GLB1L3: variants seen among roughly 807,000 people sequenced by gnomAD.
The protein encoded by GLB1L3 is beta-galactosidase-1-like protein 3.
In GLB1L3, 89 loss-of-function variants were observed where a neutral mutation model predicts 89.5. The ratio of observed to expected loss-of-function variants is 0.99; its 90% confidence interval spans 0.84 to 1.19. GLB1L3 has a LOEUF of 1.19. GLB1L3 is among the 50% of genes most tolerant of loss of function. The probability of loss-of-function intolerance (pLI) is 0.00; values close to 1 mark genes in which losing one functional copy is unlikely to be tolerated. For missense variants in GLB1L3, 812 were observed against 813.3 expected (o/e 1.00, Z 0.02); for synonymous variants, 314 against 312.3 (o/e 1.01, Z -0.06).
At chr11:134,279,371 T>C (rs1349331050) in intron 3 of GLB1L3, among the ~76,000 whole-genome samples, 44 of 141,274 alleles carry the variant, frequency 3.1e-4, no homozygotes, top group African/African-American at 5.3e-4. Flanking sequence ...TTTCTTTTTT[T>C]TTTTTTTTTT....
intron 2 of GLB1L3, 124 bp from the exon 3 acceptor site, chr11:134,277,576 C>T: frequency 6.6e-7 from 1 of 1,513,226 alleles, no homozygotes; most frequent in Non-Finnish European, 9.1e-7. Flanking sequence ...GTCCTACTAA[C>T]ATATGCACAG....
chr11:134,318,598 A>T, intron 18 of GLB1L3, 33 bp from the exon 19 acceptor site: 5 of 1,395,868 alleles, frequency 3.6e-6, no homozygotes, highest in Non-Finnish European at 5.0e-6. Flanking sequence ...AATGTGAACC[A>T]ATTTCCAAAT....
At chr11:134,296,613 A>G (rs1166264116) in intron 9 of GLB1L3, among the ~76,000 whole-genome samples, 3 of 145,070 alleles carry the variant, frequency 2.1e-5, no homozygotes, top group African/African-American at 5.1e-5. Context: ...AACACCGCAT[A>G]TTCTCACTCA....
chr11:134,304,498 A>T (rs1229534858), intron 9 of GLB1L3, among the ~76,000 whole-genome samples: 1 of 152,106 alleles, frequency 6.6e-6, no homozygotes, highest in Non-Finnish European at 1.5e-5. Flanking sequence ...CATCTCCTGC[A>T]TCCATTTCCT....
chr11:134,288,991 T>C (rs1941184998), intron 7 of GLB1L3, 101 bp downstream of exon 7: 1 of 784,048 alleles, frequency 1.3e-6, no homozygotes, highest in Admixed American at 3.0e-5. Context: ...ACACTGTGCA[T>C]TCTGAGAATG....
downstream of GLB1L3, among the ~76,000 whole-genome samples, chr11:134,321,337 G>A (rs906986018): frequency 6.6e-6 from 1 of 151,558 alleles, no homozygotes; most frequent in African/African-American, 2.4e-5. Flanking sequence ...AAAAAATTAG[G>A]AGGATAAATA....
chr11:134,277,836 T>C lies in GLB1L3; in HGVS notation c.286T>C (p.Tyr96His). 2 of 1,614,066 alleles carry C rather than the reference T, an allele frequency of 1.2e-6. No homozygotes were observed. Among genetic ancestry groups the C allele is most frequent in the Non-Finnish European group, 1.7e-6 (2 of 1,180,004 alleles). Residue 96 changes from tyrosine (Y) to histidine (H), a missense_variant, in exon 3 of 20, where the codon TAT (tyrosine) becomes CAT (histidine). Physicochemically the swap from Tyr to His is moderately conservative, Grantham distance 83. Around this residue, in one of 3 missense-constraint regions of GLB1L3, gnomAD observed 191 missense variants for 191.4 expected, o/e 1.00. Transcript: ENST00000431683. ...CCTGATCTTCGGGGGCTCCATCCAC[T>C]ATTTCCGGGTGCCCAGGGAGTACTG... ...KFLIFGGSIH[Y>H]FRVPREYWRD...
At chr11:134,292,943 G>A (rs1398405476) in intron 8 of GLB1L3, 3 of 622,590 alleles carry the variant, frequency 4.8e-6, no homozygotes, top group African/African-American at 3.7e-5. Context: ...TTCAACAGTG[G>A]GTGTCCTCGC....
chr11:134,288,140 T>A (rs1244395683), intron 6 of GLB1L3, among the ~76,000 whole-genome samples: 2 of 152,168 alleles, frequency 1.3e-5, no homozygotes, highest in African/African-American at 4.8e-5. Flanking sequence ...ATGTTGATGG[T>A]CTGGATGGCA....
chr11:134,307,881 G>A (rs556310562), intron 10 of GLB1L3, among the ~76,000 whole-genome samples: 8 of 152,232 alleles, frequency 5.3e-5, no homozygotes, highest in African/African-American at 9.6e-5. Context: ...CCTGGCAGTC[G>A]TTTACTTAAT....
intron 7 of GLB1L3, among the ~76,000 whole-genome samples, chr11:134,289,973 A>C (rs376357556): frequency 6.6e-6 from 1 of 152,088 alleles, no homozygotes; most frequent in African/African-American, 2.4e-5. Flanking sequence ...CTGTGCGGAG[A>C]CCTCTGGCTG....
In GLB1L3 at chr11:134,285,832, C is replaced by G. The variant is rs150796760; in HGVS notation, c.636+1987C>G. ...AGTAGTAGGCTGATATCTTACTCTT[C>G]TGTTTGGGAGTAAATATGGCAAACA... is the stretch of plus-strand genomic sequence containing the variant. On this transcript the variant is annotated intron_variant, in intron 6 of 19. Coordinates refer to ENST00000431683, the MANE Select transcript of GLB1L3 (RefSeq NM_001080407.3). 9.9e-3 allele frequency among the ~76,000 whole-genome samples: 1,506 copies of G among 151,594 alleles called. 34 individuals carry two copies. Among genetic ancestry groups the G allele is most frequent in the African/African-American group, 0.033 (1,380 of 41,284 alleles).
Position 134,314,447 on chromosome 11 carries a change from T to C in GLB1L3, c.1779+6T>C. Reference sequence around the variant, plus strand: ...ACACCTTCCTGAGCCTGCTGGTAGGTGATGCCCTCTGCTGCCCTGGTGTTC... The same window carrying C: ...ACACCTTCCTGAGCCTGCTGGTAGGCGATGCCCTCTGCTGCCCTGGTGTTC... On this transcript the variant is annotated splice_donor_region_variant and intron_variant, in intron 18 of 19. Transcript: ENST00000431683. The C allele has an allele frequency of 6.6e-7, 1 of 1,512,476 alleles. No individual in the cohort carries two copies. Among genetic ancestry groups the C allele is most frequent in the East Asian group, 2.5e-5 (1 of 40,696 alleles). The allele number at this position is 1,512,476 out of a possible 1,614,324, so 93.7% of individuals were successfully genotyped here. A position where few individuals can be genotyped will look rare whatever the true frequency, so the allele number is the denominator to read the frequency against.
In GLB1L3 at chr11:134,288,784, T is replaced by G. The variant is rs1466699545; in HGVS notation, c.637-14T>G. The G allele has an allele frequency of 6.2e-7, 1 of 1,605,608 alleles. No individual in the cohort carries two copies. Among genetic ancestry groups the G allele is most frequent in the Admixed American group, 1.7e-5 (1 of 59,624 alleles). ...ATAGCCTCACTCTTTAACCCTCCTA[T>G]GCTTGTTTCTCAGTACCGCCAGGCA... is the stretch of plus-strand genomic sequence containing the variant. On this transcript the variant is annotated splice_polypyrimidine_tract_variant and intron_variant, in intron 6 of 19. Transcript: ENST00000431683.
rs553092202 is a variant in GLB1L3 at position 134,281,512 on chromosome 11, A to G, written c.431+67A>G. On this transcript the variant is annotated intron_variant, in intron 4 of 19. Coordinates refer to ENST00000431683, the MANE Select transcript of GLB1L3 (RefSeq NM_001080407.3). ...GCACAGAGGTGGCTACTGGGGGTGG[A>G]TTAGCAACCAAAGAGAACCAGGGAG... is the stretch of plus-strand genomic sequence containing the variant. 2.0e-4 allele frequency: 293 copies of G among 1,474,870 alleles called. 3 individuals carry two copies. In the African/African-American group the frequency reaches 3.6e-3, roughly 18 times the overall value. The allele number at this position is 1,474,870 out of a possible 1,614,324, so 91.4% of individuals were successfully genotyped here.
intron 5 of GLB1L3, 38 bp from the exon 6 acceptor site, chr11:134,283,699 C>A (rs1285326393): frequency 7.2e-6 from 9 of 1,249,374 alleles, no homozygotes; most frequent in Non-Finnish European, 9.3e-6. Context: ...CCTCTCCCAA[C>A]CCGTCTCAGA....
chr11:134,312,939 C>G, intron 15 of GLB1L3, 52 bp downstream of exon 15: 1 of 1,231,372 alleles, frequency 8.1e-7, no homozygotes, highest in Non-Finnish European at 1.2e-6. Flanking sequence ...CAAATGCAGA[C>G]GGAGCCTGGT....
At chr11:134,296,489 A>C (rs1403913295) in intron 9 of GLB1L3, among the ~76,000 whole-genome samples, 32 of 133,710 alleles carry the variant, frequency 2.4e-4, no homozygotes, top group Admixed American at 4.7e-4. Context: ...TGGCACATAT[A>C]CACCATGGAA....
chr11:134,316,199 C>A (rs1942970485), intron 18 of GLB1L3, among the ~76,000 whole-genome samples: 1 of 151,634 alleles, frequency 6.6e-6, no homozygotes, highest in South Asian at 2.1e-4. Context: ...GGAAATGACT[C>A]CCATACCTTT....
Sources: gnomAD v4.1 joint callset for allele counts (sites outside exome capture counted in the v4.1 genomes callset) on GRCh38, gnomAD v4.1.1 for gene constraint, gnomAD v4.1.1 regional missense constraint, MANE v1.5 for transcripts, NCBI Gene and HGNC (gene_info 2026-07-23, HGNC 2026-07-21) for gene names.